The following MECOM variants were observed in gnomAD, a reference collection of about 807,000 sequenced individuals.
The protein encoded by MECOM is histone-lysine N-methyltransferase MECOM.
Under a neutral mutation model 116.3 loss-of-function variants are expected in MECOM, and 13 were observed. The observed-to-expected ratio is 0.11, with a 90% CI of 0.07 to 0.18. The LOEUF is 0.18. MECOM is among the 10% of genes least tolerant of loss of function. MECOM has a pLI of 1.00. For missense variants in MECOM, 1,299 were observed against 1,509.0 expected (o/e 0.86, Z 2.31); for synonymous variants, 528 against 535.2 (o/e 0.99, Z 0.19).
At chr3:169,411,566 A>G (rs1737561012) in intron 1 of MECOM, among the ~76,000 whole-genome samples, 2 of 152,212 alleles carry the variant, frequency 1.3e-5, no homozygotes, top group Non-Finnish European at 2.9e-5. Context: ...GAGAGGCTCC[A>G]CTAATCCAAA....
At chr3:169,243,565 C>T (rs1755156164) in intron 2 of MECOM, among the ~76,000 whole-genome samples, 9 of 152,056 alleles carry the variant, frequency 5.9e-5, no homozygotes, top group Admixed American at 5.9e-4. Context: ...TTTATAGATA[C>T]TTCCAAACAG....
intron 2 of MECOM, among the ~76,000 whole-genome samples, chr3:169,286,669 T>C (rs1713388218): frequency 6.6e-6 from 1 of 152,308 alleles, no homozygotes; most frequent in African/African-American, 2.4e-5. Context: ...ATTGTTGCTA[T>C]ATGATCAACG....
At chr3:169,258,590 C>T (rs1231088069) in intron 2 of MECOM, among the ~76,000 whole-genome samples, 1 of 152,158 alleles carries the variant, frequency 6.6e-6, no homozygotes, top group Non-Finnish European at 1.5e-5. Context: ...GACCTCTGTG[C>T]TTCTGAGGTG....
chr3:169,246,554 A>G (rs1180093647), intron 2 of MECOM, among the ~76,000 whole-genome samples: 4 of 135,426 alleles, frequency 3.0e-5, no homozygotes, highest in Admixed American at 8.1e-5. Context: ...TTTGAGACGG[A>G]GTCTCACTAT....
chr3:169,104,063 T>C (rs1263655294), intron 10 of MECOM, among the ~76,000 whole-genome samples: 1 of 152,132 alleles, frequency 6.6e-6, no homozygotes, highest in African/African-American at 2.4e-5. Context: ...TGTGAACGCA[T>C]CGGGAGGCAG....
chr3:169,141,927 A>G (rs1738228875), intron 3 of MECOM, among the ~76,000 whole-genome samples: 1 of 152,008 alleles, frequency 6.6e-6, no homozygotes, highest in South Asian at 2.1e-4. Flanking sequence ...TCCCAGATTA[A>G]GTATTTTCTC....
intron 1 of MECOM, among the ~76,000 whole-genome samples, chr3:169,416,032 A>G (rs758305159): frequency 1.3e-4 from 20 of 152,236 alleles, no homozygotes; most frequent in Non-Finnish European, 2.2e-4. Flanking sequence ...GACCTAATAG[A>G]CATCTACAGA....
chr3:169,493,190 G>A (rs1372348327), intron 1 of MECOM, among the ~76,000 whole-genome samples: 1 of 152,086 alleles, frequency 6.6e-6, no homozygotes, highest in African/African-American at 2.4e-5. Flanking sequence ...TTGAACATTT[G>A]CTGGGTACCA....
intron 2 of MECOM, among the ~76,000 whole-genome samples, chr3:169,284,039 G>C (rs972250977): frequency 6.6e-6 from 1 of 152,204 alleles, no homozygotes; most frequent in Admixed American, 6.5e-5. Flanking sequence ...TTTGTAAAGA[G>C]TGTCCCATTC....
At position 169,564,788 on chromosome 3, in the gene MECOM, T is replaced by C. The variant is rs868259129; in HGVS notation, c.37+98548A>G. On this transcript the variant is annotated intron_variant, in intron 1 of 16. Coordinates refer to ENST00000651503, the MANE Select transcript of MECOM (RefSeq NM_004991.4). ...TCTTCACTACATGATTTCATCTCACTTAAAAACCATAGCGCTTCAGGTGTC... is the reference window on the plus strand; with the variant it reads ...TCTTCACTACATGATTTCATCTCACCTAAAAACCATAGCGCTTCAGGTGTC... Among the ~76,000 whole-genome samples the C allele has an allele frequency of 9.9e-5, 15 of 152,224 alleles. No homozygotes were observed. In the Middle Eastern group the frequency reaches 0.01, roughly 104 times the overall value.
intron 7 of MECOM, chr3:169,120,783 T>C: frequency 3.8e-6 from 1 of 264,260 alleles, no homozygotes; most frequent in Non-Finnish European, 7.1e-6. Context: ...TCCTACAACC[T>C]GTGGAGGTTT....
chr3:169,486,010 ATATATATG>A (rs1752306582), intron 1 of MECOM, among the ~76,000 whole-genome samples: 2 of 128,520 alleles, frequency 1.6e-5, no homozygotes, highest in Non-Finnish European at 3.2e-5. Flanking sequence ...TATATACTAT[ATATATATG>A]TATATATAGT....
At chr3:169,434,865 CA>C (rs1172736499) in intron 1 of MECOM, among the ~76,000 whole-genome samples, 2 of 152,134 alleles carry the variant, frequency 1.3e-5, no homozygotes, top group African/African-American at 4.8e-5. Context: ...TGATGTGTTA[CA>C]AGGAGTTTCT....
At chr3:169,380,148 T>C (rs16853605) in intron 2 of MECOM, among the ~76,000 whole-genome samples, 17,192 of 152,114 alleles carry the variant, frequency 0.11, 1,147 homozygotes, top group East Asian at 0.22. Flanking sequence ...TCATTTCTAT[T>C]TAAAAGCTAA....
At chr3:169,458,558 C>T (rs1340623867) in intron 1 of MECOM, among the ~76,000 whole-genome samples, 2 of 152,188 alleles carry the variant, frequency 1.3e-5, no homozygotes, top group Non-Finnish European at 2.9e-5. Context: ...GAGAATATTC[C>T]GAACCATTTA....
chr3:169,491,442 T>C (rs1253176663), intron 1 of MECOM, among the ~76,000 whole-genome samples: 1 of 152,160 alleles, frequency 6.6e-6, no homozygotes, highest in Non-Finnish European at 1.5e-5. Context: ...AAATTTTATA[T>C]ACATACAGAC....
chr3:169,208,895 C>T (rs1180399940), intron 2 of MECOM, among the ~76,000 whole-genome samples: 1 of 134,114 alleles, frequency 7.5e-6, no homozygotes, highest in African/African-American at 2.8e-5. Flanking sequence ...CAATCGTAAG[C>T]AAAAAAAAAA....
chr3:169,652,604 T>A (rs932372621), intron 1 of MECOM, among the ~76,000 whole-genome samples: 1 of 152,064 alleles, frequency 6.6e-6, no homozygotes, highest in African/African-American at 2.4e-5. Flanking sequence ...AGATGGGGGT[T>A]AGAGGAGTGG....
At position 169,141,782 on chromosome 3, in the gene MECOM, A is replaced by G. The variant is rs558356050; in HGVS notation, c.510+1916T>C. Among the ~76,000 whole-genome samples the G allele has an allele frequency of 2.6e-4, 39 of 152,052 alleles. No homozygotes were observed. The South Asian group carries it at 5.8e-3, about 23-fold the overall frequency. On this transcript the variant is annotated intron_variant, in intron 3 of 16. Transcript: ENST00000651503. ...CTCTGACTTTCCTCCCTTGTTGTTT[A>G]TGGATGAATTTACTTGAATTTCACA...
Sources: gnomAD v4.1 joint callset for allele counts (sites outside exome capture counted in the v4.1 genomes callset) on GRCh38, gnomAD v4.1.1 for gene constraint, MANE v1.5 for transcripts, NCBI Gene and HGNC (gene_info 2026-07-23, HGNC 2026-07-21) for gene names.